The following CTDSPL variants were observed in gnomAD, a reference collection of about 807,000 sequenced individuals.
CTDSPL encodes the protein CTD small phosphatase like, also known as CTD small phosphatase-like protein.
In CTDSPL, 8 loss-of-function variants were observed where a neutral mutation model predicts 30.5. The observed-to-expected ratio is 0.26, with a 90% confidence interval of 0.15 to 0.47. CTDSPL has a LOEUF of 0.47. Among genes scored for constraint, CTDSPL ranks in the 20% least tolerant of loss-of-function variants. The pLI is 0.99. For missense variants in CTDSPL, 248 were observed against 366.1 expected, an observed-to-expected ratio of 0.68 and a Z score of 2.63; for synonymous variants, 110 against 137.9, an observed-to-expected ratio of 0.80 and a Z score of 1.42.
chr3:37,920,086 AAAAAAC>A (rs1184626056), intron 1 of CTDSPL, among the ~76,000 whole-genome samples: 2 of 134,970 alleles, frequency 1.5e-5, no homozygotes, highest in Admixed American at 7.2e-5. Flanking sequence ...GGAAATAAAA[AAAAAAC>A]AGTCTCAATG....
chr3:37,919,447 A>G (rs1698688635), intron 1 of CTDSPL, among the ~76,000 whole-genome samples: 1 of 152,232 alleles, frequency 6.6e-6, no homozygotes, highest in East Asian at 1.9e-4. Context: ...ACAGAAAGAC[A>G]GGTTCTCTGA....
intron 1 of CTDSPL, among the ~76,000 whole-genome samples, chr3:37,875,864 A>G (rs1698128936): frequency 6.6e-6 from 1 of 152,238 alleles, no homozygotes; most frequent in Non-Finnish European, 1.5e-5. Context: ...ATGAGCACTT[A>G]TTGGTAAGCG....
intron 2 of CTDSPL, among the ~76,000 whole-genome samples, chr3:37,949,117 G>A (rs1699079567): frequency 6.6e-6 from 1 of 152,130 alleles, no homozygotes; most frequent in Non-Finnish European, 1.5e-5. Flanking sequence ...ACCGCGCCCG[G>A]CCATTTTCCA....
At position 37,873,924 on chromosome 3, in the gene CTDSPL, A is replaced by G. The variant is rs532165175; in HGVS notation, c.79+11646A>G. Among the ~76,000 whole-genome samples the G allele has an allele frequency of 6.3e-4, 96 of 152,374 alleles. 1 individual carries two copies. The South Asian group carries it at 0.019, about 30-fold the overall frequency. On this transcript the variant is annotated intron_variant, in intron 1 of 7. Transcript: ENST00000273179. ...TCAAAATTTTAGCTTCAAGTTCATG[A>G]GTGTCCTAACTTAAATGTATTTTAA... is the stretch of plus-strand genomic sequence containing the variant.
intron 1 of CTDSPL, among the ~76,000 whole-genome samples, chr3:37,890,831 T>G (rs959637863): frequency 3.3e-5 from 5 of 152,102 alleles, no homozygotes; most frequent in African/African-American, 1.2e-4. Flanking sequence ...AGTGTATACC[T>G]AATAACAGGA....
Position 37,900,822 on chromosome 3 carries a change from G to A in CTDSPL, c.79+38544G>A, listed in dbSNP as rs145210303. Among the ~76,000 whole-genome samples, 519 of 151,980 alleles carry A rather than the reference G, an allele frequency of 3.4e-3. 7 individuals carry two copies. The highest frequency in any genetic ancestry group is 5.6e-3 in the East Asian group (29 of 5,180). ...TATTATTATTATTATTTTTTTAGACGAAGTCTCGCTCTGTTGCCCAGGCTG... is the reference window on the plus strand; with the variant it reads ...TATTATTATTATTATTTTTTTAGACAAAGTCTCGCTCTGTTGCCCAGGCTG... On this transcript the variant is annotated intron_variant, in intron 1 of 7. Transcript: ENST00000273179.
At chr3:37,933,749 A>G (rs757689647) in intron 1 of CTDSPL, among the ~76,000 whole-genome samples, 2 of 152,278 alleles carry the variant, frequency 1.3e-5, no homozygotes, top group Non-Finnish European at 2.9e-5. Flanking sequence ...CATGAAGTAT[A>G]TAGAGCTTGG....
At chr3:37,961,879 C>CTT (rs534432774) in intron 3 of CTDSPL, among the ~76,000 whole-genome samples, 239 of 152,246 alleles carry the variant, frequency 1.6e-3, no homozygotes, top group Non-Finnish European at 2.5e-3. Context: ...AGGAAATAAG[C>CTT]TTAGTGTTAA....
At chr3:37,917,634 A>C (rs1451773555) in intron 1 of CTDSPL, among the ~76,000 whole-genome samples, 2 of 152,224 alleles carry the variant, frequency 1.3e-5, no homozygotes, top group Non-Finnish European at 2.9e-5. Flanking sequence ...TTTAGTACAC[A>C]GTATCACTCA....
chr3:37,922,306 C>T (rs1698726689), intron 1 of CTDSPL, among the ~76,000 whole-genome samples: 1 of 152,090 alleles, frequency 6.6e-6, no homozygotes, highest in Admixed American at 6.5e-5. Flanking sequence ...CTATAAGTTA[C>T]TCTCTGAGTT....
intron 1 of CTDSPL, among the ~76,000 whole-genome samples, chr3:37,921,626 C>T (rs1038999722): frequency 5.3e-5 from 8 of 151,884 alleles, no homozygotes; most frequent in Admixed American, 3.3e-4. Flanking sequence ...CACACACACA[C>T]ACACACACAC....
chr3:37,982,090 A>T lies in CTDSPL; in HGVS notation c.*1223A>T, dbSNP rs1699498755. On this transcript the variant is annotated 3_prime_UTR_variant, in exon 8 of 8. Coordinates refer to ENST00000273179, the MANE Select transcript of CTDSPL (RefSeq NM_001008392.2). Reference sequence around the variant, plus strand: ...ACAGCACCACTTAGGTGTAGCATGGATTTTAAACTGCAGTCAGTATCAGAT... The same window carrying T: ...ACAGCACCACTTAGGTGTAGCATGGTTTTTAAACTGCAGTCAGTATCAGAT... 2 of 339,720 alleles carry T rather than the reference A, an allele frequency of 5.9e-6. No individual in the cohort carries two copies. The highest frequency in any genetic ancestry group is 4.5e-5 in the South Asian group (2 of 44,408). 21.0% of individuals were successfully genotyped at this position (339,720 alleles called of 1,614,324 possible).
Position 37,975,797 on chromosome 3 carries a change from A to T in CTDSPL, c.608A>T (p.Asn203Ile), listed in dbSNP as rs780740931. 6.2e-7 allele frequency: 1 copy of T among 1,614,140 alleles called. No individual in the cohort carries two copies. The highest frequency in any genetic ancestry group is 2.2e-5 in the East Asian group (1 of 44,880). Residue 203 changes from asparagine to isoleucine, a missense_variant, in exon 7 of 8, where the codon AAC becomes ATC. Transcript: ENST00000273179. This position sits in a 1 kb window ranked among gnomAD's most constrained non-coding sequence, Gnocchi z 4.9. Reference sequence around the variant, plus strand: ...GAATCATGTGTTTTTCATCGTGGGAACTACGTGAAGGACCTGAGTCGCCTT... The same window carrying T: ...GAATCATGTGTTTTTCATCGTGGGATCTACGTGAAGGACCTGAGTCGCCTT... The part of the protein sequence containing the change: ...FRESCVFHRG[N>I]YVKDLSRLGR...
In CTDSPL at chr3:37,862,351, C is replaced by T; in HGVS notation, c.79+73C>T. On this transcript the variant is annotated intron_variant, in intron 1 of 7. Coordinates refer to ENST00000273179, the MANE Select transcript of CTDSPL (RefSeq NM_001008392.2). This position sits in a 1 kb window ranked among gnomAD's most constrained non-coding sequence, Gnocchi z 4.3. ...CGCGCCGCTGGAGTTCACTGCCGGG[C>T]GCCGGCATGGGCCTGGGGGAGGGGT... 2 of 1,297,176 alleles carry T rather than the reference C, an allele frequency of 1.5e-6. No homozygotes were observed. Among genetic ancestry groups the T allele is most frequent in the Admixed American group, 3.5e-5 (1 of 28,454 alleles). The allele number at this position is 1,297,176 out of a possible 1,614,324, so 80.4% of individuals were successfully genotyped here. A position where few individuals can be genotyped will look rare whatever the true frequency, so the allele number is the denominator to read the frequency against.
At chr3:37,901,254 G>T (rs1698447841) in intron 1 of CTDSPL, among the ~76,000 whole-genome samples, 1 of 152,166 alleles carries the variant, frequency 6.6e-6, no homozygotes, top group African/African-American at 2.4e-5. Flanking sequence ...GCTCCAAAGG[G>T]ACCTGGGTCC....
chr3:37,915,067 C>T (rs1167573278), intron 1 of CTDSPL, among the ~76,000 whole-genome samples: 1 of 151,420 alleles, frequency 6.6e-6, no homozygotes, highest in African/African-American at 2.4e-5. Flanking sequence ...TTTTCTTTCC[C>T]AAGAGTTTGT....
At chr3:37,908,430 C>T (rs575120853) in intron 1 of CTDSPL, among the ~76,000 whole-genome samples, 1 of 152,266 alleles carries the variant, frequency 6.6e-6, no homozygotes, top group East Asian at 1.9e-4. Context: ...TTGCAGTTAA[C>T]TGTATTTTTT....
intron 1 of CTDSPL, chr3:37,911,547 A>G (rs1441077083): frequency 7.8e-6 from 3 of 383,760 alleles, no homozygotes; most frequent in African/African-American, 6.3e-5. Flanking sequence ...CTTTATCTGA[A>G]TTAGCTATAG....
chr3:37,906,521 A>G (rs1390320772), intron 1 of CTDSPL, among the ~76,000 whole-genome samples: 1 of 152,178 alleles, frequency 6.6e-6, no homozygotes, highest in Non-Finnish European at 1.5e-5. Flanking sequence ...CTGAAAAAAG[A>G]TGACCACAAG....
Sources: allele counts gnomAD v4.1 joint callset (sites outside exome capture counted in the v4.1 genomes callset), GRCh38; gene constraint gnomAD v4.1.1; non-coding constraint Gnocchi (gnomAD v3.1); transcripts MANE v1.5; gene names NCBI Gene and HGNC (gene_info 2026-07-23, HGNC 2026-07-21).